FGFR3: variants seen among roughly 807,000 people sequenced by gnomAD.
FGFR3 encodes the protein FGFR-3.
In FGFR3, 25 loss-of-function variants were observed where a neutral mutation model predicts 82.9. That is an observed-to-expected ratio of 0.30 (90% CI 0.22 to 0.42). FGFR3 has a LOEUF of 0.42. FGFR3 is among the 10% of genes least tolerant of loss of function. FGFR3 has a pLI of 1.00. For missense variants in FGFR3, 1,026 were observed against 1,161.0 expected, an observed-to-expected ratio of 0.88 and a Z score of 1.69; for synonymous variants, 620 against 516.0, an observed-to-expected ratio of 1.20 and a Z score of -2.73.
At chr4:1,804,258 G>C (rs1721572799) in intron 8 of FGFR3, 72 bp from the exon 9 acceptor site, 4 of 1,509,546 alleles carry the variant, frequency 2.6e-6, no homozygotes, top group Non-Finnish European at 3.5e-6. Flanking sequence ...CTGCGGCTCT[G>C]GGCCAGGGGC....
chr4:1,804,583 T>A, intron 9 of FGFR3, 63 bp downstream of exon 9: 1 of 1,594,444 alleles, frequency 6.3e-7, no homozygotes, highest in South Asian at 1.1e-5. Context: ...GAGCCCCACC[T>A]CGGCCCACGC....
intron 2 of FGFR3, among the ~76,000 whole-genome samples, chr4:1,796,339 T>C (rs776733002): frequency 6.6e-6 from 1 of 152,160 alleles, no homozygotes; most frequent in Non-Finnish European, 1.5e-5. Flanking sequence ...AGATCCCTTT[T>C]TTCCGGACTT....
rs2305187 is a variant in FGFR3 at position 1,806,788 on chromosome 4, C to T, written c.2169-41C>T. On this transcript the variant is annotated intron_variant, in intron 16 of 17. Coordinates refer to ENST00000440486, the MANE Select transcript of FGFR3 (RefSeq NM_000142.5). ...CCCTTCAGGCTGTTCCCGAATAAGG[C>T]GGGAAGCGGCGGGGCTCACTCCTGA... The T allele has an allele frequency of 8.0e-3, 12,777 of 1,588,756 alleles. 160 individuals are homozygous for T. The highest frequency in any genetic ancestry group is 0.041 in the African/African-American group (3,085 of 74,416).
At position 1,801,666 on chromosome 4, in the gene FGFR3, C is replaced by G; in HGVS notation, c.662C>G (p.Ser221Trp). ...WSLVMESVVP[S>W]DRGNYTCVVE... Reference sequence around the variant, plus strand: ...CTGGTCATGGAAAGCGTGGTGCCCTCGGACCGCGGCAACTACACCTGCGTC... The same window carrying G: ...CTGGTCATGGAAAGCGTGGTGCCCTGGGACCGCGGCAACTACACCTGCGTC... Residue 221 changes from serine to tryptophan, a missense_variant, in exon 6 of 18, where the codon TCG becomes TGG. This residue lies in a region of FGFR3 where 147 missense variants were observed against 228.1 expected (regional missense o/e 0.64). Coordinates refer to ENST00000440486, the MANE Select transcript of FGFR3 (RefSeq NM_000142.5). 6.2e-7 allele frequency: 1 copy of G among 1,611,414 alleles called. No homozygotes were observed. Among genetic ancestry groups the G allele is most frequent in the African/African-American group, 1.3e-5 (1 of 75,016 alleles).
Position 1,804,455 on chromosome 4 carries a change from C to A in FGFR3, c.1201C>A (p.Pro401Thr), listed in dbSNP as rs762705505. 11 of 1,612,840 alleles carry A rather than the reference C, an allele frequency of 6.8e-6. No homozygotes were observed. Among genetic ancestry groups the A allele is most frequent in the Middle Eastern group, 1.6e-4 (1 of 6,078 alleles). ...TGTGACGCTCTGCCGCCTGCGCAGC[C>A]CCCCCAAGAAAGGCCTGGGCTCCCC... The part of the protein sequence containing the change: ...AAVTLCRLRS[P>T]PKKGLGSPTV... Residue 401 changes from proline to threonine, a missense_variant, in exon 9 of 18, where the codon CCC becomes ACC. Coordinates refer to ENST00000440486, the MANE Select transcript of FGFR3 (RefSeq NM_000142.5).
At chr4:1,803,548 G>C in intron 7 of FGFR3, 144 bp from the exon 8 acceptor site, 1 of 1,405,832 alleles carries the variant, frequency 7.1e-7, no homozygotes, top group Non-Finnish European at 9.5e-7. Flanking sequence ...CCTCAGCCGC[G>C]TGGCGGTGAC....
chr4:1,802,282 G>A (rs1253607468), intron 7 of FGFR3, among the ~76,000 whole-genome samples: 1 of 152,214 alleles, frequency 6.6e-6, no homozygotes, highest in African/African-American at 2.4e-5. Flanking sequence ...GCTGCCCACG[G>A]GCTTCTTGGG....
chr4:1,795,447 C>T (rs1720385467), intron 2 of FGFR3, among the ~76,000 whole-genome samples: 1 of 151,998 alleles, frequency 6.6e-6, no homozygotes, highest in Non-Finnish European at 1.5e-5. Context: ...GGGCGGCGCC[C>T]CCGCCCGCAC....
In FGFR3 at chr4:1,799,920, C is replaced by T; in HGVS notation, c.445+108C>T. On this transcript the variant is annotated intron_variant, in intron 4 of 17. Coordinates refer to ENST00000440486, the MANE Select transcript of FGFR3 (RefSeq NM_000142.5). ...GGACTAAGGCCCCGGAACAACCTCC[C>T]TGGGGTCACCCCGAAGGTCTGGTCC... is the stretch of plus-strand genomic sequence containing the variant. 3.2e-6 allele frequency: 4 copies of T among 1,263,036 alleles called. No homozygotes were observed. In the South Asian group the frequency reaches 4.1e-5, roughly 13 times the overall value. 78.2% of individuals were successfully genotyped at this position (1,263,036 alleles called of 1,614,324 possible).
intron 3 of FGFR3, 38 bp from the exon 4 acceptor site, chr4:1,799,709 C>G: frequency 6.2e-7 from 1 of 1,610,810 alleles, no homozygotes; most frequent in Non-Finnish European, 8.5e-7. Flanking sequence ...CCTCCTGGGG[C>G]AGGTTGGGCA....
At position 1,801,944 on chromosome 4, in the gene FGFR3, C is replaced by G. The variant is rs762686049; in HGVS notation, c.849C>G (p.Pro283=). 6.2e-7 allele frequency: 1 copy of G among 1,612,770 alleles called. No individual in the cohort carries two copies. The highest frequency in any genetic ancestry group is 8.5e-7 in the Non-Finnish European group (1 of 1,179,864). ...GCAAGGTGTACAGTGACGCACAGCC[C>G]CACATCCAGTGGCTCAAGCACGTGG... ...FHCKVYSDAQ[P]HIQWLKHVEV... is the part of the protein sequence containing the mutation. The change falls in exon 7 of 18, where the codon CCC becomes CCG. Residue 283 remains proline (P), a synonymous_variant. Coordinates refer to ENST00000440486, the MANE Select transcript of FGFR3 (RefSeq NM_000142.5).
chr4:1,794,199 C>T (rs1337245695), intron 2 of FGFR3, among the ~76,000 whole-genome samples, 156 bp downstream of exon 2: 1 of 152,240 alleles, frequency 6.6e-6, no homozygotes, highest in Non-Finnish European at 1.5e-5. Context: ...AGAGCGCGGC[C>T]AGAGCTAGCG....
chr4:1,805,281 G>A (rs2108801695), intron 10 of FGFR3, 74 bp from the exon 11 acceptor site: 2 of 1,596,200 alleles, frequency 1.3e-6, no homozygotes, highest in Non-Finnish European at 1.7e-6. Flanking sequence ...GCTGGGCCAG[G>A]CTGGGGTGGG....
At position 1,801,516 on chromosome 4, in the gene FGFR3, C is replaced by G. The variant is rs1332910351; in HGVS notation, c.595C>G (p.His199Asp). The G allele has an allele frequency of 2.6e-6, 4 of 1,568,326 alleles. No individual in the cohort carries two copies. Among genetic ancestry groups the G allele is most frequent in the Non-Finnish European group, 8.6e-7 (1 of 1,157,602 alleles). ...GAACGGCAGGGAGTTCCGCGGCGAG[C>G]ACCGCATTGGAGGCATCAAGGTGGG... The part of the protein sequence containing the change: ...LKNGREFRGE[H>D]RIGGIKLRHQ... Residue 199 changes from histidine (H) to aspartate (D), a missense_variant, in exon 5 of 18, where the codon CAC becomes GAC. Physicochemically the swap from His to Asp is moderately conservative, Grantham distance 81 (BLOSUM62 -1). This residue lies in a region of FGFR3 where 147 missense variants were observed against 228.1 expected (regional missense o/e 0.64). Transcript: ENST00000440486.
chr4:1,801,269 G>A (rs1177960111), intron 4 of FGFR3, 98 bp from the exon 5 acceptor site: 5 of 1,344,144 alleles, frequency 3.7e-6, no homozygotes, highest in Non-Finnish European at 5.1e-6. Context: ...GGGAAACTGA[G>A]GCTGGGGATG....
chr4:1,800,406 G>A (rs935087953), intron 4 of FGFR3, among the ~76,000 whole-genome samples: 1 of 152,034 alleles, frequency 6.6e-6, no homozygotes, highest in African/African-American at 2.4e-5. Context: ...AGGGGAGTGC[G>A]TGCAGGTGAG....
At position 1,804,361 on chromosome 4, in the gene FGFR3, G is replaced by T. The variant is rs774814331; in HGVS notation, c.1107G>T (p.Ala369=). The T allele has an allele frequency of 6.2e-7, 1 of 1,611,836 alleles. No individual in the cohort carries two copies. The highest frequency in any genetic ancestry group is 1.7e-5 in the Admixed American group (1 of 59,896). ...AGGAGCTGGTGGAGGCTGACGAGGC[G>T]GGCAGTGTGTATGCAGGCATCCTCA... The part of the protein sequence containing the change: ...AEEELVEADE[A]GSVYAGILSY... The change falls in exon 9 of 18, where the codon GCG becomes GCT. Residue 369 remains alanine, a synonymous_variant. Transcript: ENST00000440486.
chr4:1,795,615 G>A (rs1340399814), intron 2 of FGFR3, among the ~76,000 whole-genome samples: 1 of 152,232 alleles, frequency 6.6e-6, no homozygotes, highest in Admixed American at 6.5e-5. Flanking sequence ...GCCTTGGCTC[G>A]CAGGGGTCAA....
In FGFR3 at chr4:1,806,394, C is replaced by T. The variant is rs2108810052; in HGVS notation, c.2030+67C>T. 8 of 1,604,632 alleles carry T rather than the reference C, an allele frequency of 5.0e-6. No individual in the cohort carries two copies. In the South Asian group the frequency reaches 6.6e-5, roughly 13 times the overall value. ...GAACTGGGCAGAGCCAGGACCCCAG[C>T]TGCAGTCCCCAGGCCTGTGCCCTGG... On this transcript the variant is annotated intron_variant, in intron 15 of 17. Coordinates refer to ENST00000440486, the MANE Select transcript of FGFR3 (RefSeq NM_000142.5).
Sources: allele counts gnomAD v4.1 joint callset (sites outside exome capture counted in the v4.1 genomes callset), GRCh38; gene constraint gnomAD v4.1.1; regional missense constraint gnomAD v4.1.1; transcripts MANE v1.5; gene names NCBI Gene and HGNC (gene_info 2026-07-23, HGNC 2026-07-21).